Variants in CCDC85A observed in about 807,000 individuals in gnomAD.
CCDC85A encodes coiled-coil domain containing 85A, also known as coiled-coil domain-containing protein 85A.
Under a neutral mutation model 50.2 loss-of-function variants are expected in CCDC85A, and 38 were observed. That is an observed-to-expected ratio of 0.76 (90% CI 0.58 to 0.99). CCDC85A has a LOEUF of 0.99. Ranked by LOEUF, CCDC85A falls within the 50% of genes least tolerant of loss-of-function variation. The pLI is 0.00. For missense variants in CCDC85A, 820 were observed against 742.0 expected (o/e 1.11, Z -1.22); for synonymous variants, 366 against 301.4 (o/e 1.21, Z -2.22).
intron 2 of CCDC85A, among the ~76,000 whole-genome samples, chr2:56,277,207 T>C (rs1308394628): frequency 6.6e-6 from 1 of 152,196 alleles, no homozygotes; most frequent in African/African-American, 2.4e-5. Flanking sequence ...CCTATGCCTT[T>C]TATGTCTGTT....
At chr2:56,307,088 A>G (rs550731079) in intron 2 of CCDC85A, among the ~76,000 whole-genome samples, 27 of 152,168 alleles carry the variant, frequency 1.8e-4, no homozygotes, top group Non-Finnish European at 3.4e-4. Context: ...CAAATCAGAA[A>G]AATCTAGGGG....
At chr2:56,296,117 A>G (rs1452395925) in intron 2 of CCDC85A, among the ~76,000 whole-genome samples, 3 of 152,170 alleles carry the variant, frequency 2.0e-5, no homozygotes, top group Non-Finnish European at 4.4e-5. Flanking sequence ...ACTTTAGCAC[A>G]CTGGCAGGAT....
At chr2:56,308,420 A>G (rs1036520594) in intron 2 of CCDC85A, among the ~76,000 whole-genome samples, 3 of 152,148 alleles carry the variant, frequency 2.0e-5, no homozygotes, top group Non-Finnish European at 4.4e-5. Flanking sequence ...TGCTGAACTT[A>G]GAAGATCAAC....
chr2:56,378,740 C>T (rs968624547), intron 5 of CCDC85A, among the ~76,000 whole-genome samples: 2 of 152,174 alleles, frequency 1.3e-5, no homozygotes, highest in African/African-American at 4.8e-5. Context: ...GGTCCCACTT[C>T]ATGCTTAAGT....
intron 5 of CCDC85A, among the ~76,000 whole-genome samples, chr2:56,380,325 C>T (rs1489192729): frequency 2.6e-5 from 4 of 152,042 alleles, no homozygotes; most frequent in South Asian, 2.1e-4. Flanking sequence ...TCATGTCATG[C>T]GAAGTATTAT....
chr2:56,215,202 C>A (rs1397044919), intron 2 of CCDC85A, among the ~76,000 whole-genome samples: 3 of 151,844 alleles, frequency 2.0e-5, no homozygotes, highest in South Asian at 2.1e-4. Context: ...AGGCAATAGA[C>A]TTGTGTGTTA....
chr2:56,224,657 A>G (rs1235416654), intron 2 of CCDC85A, among the ~76,000 whole-genome samples: 2 of 152,158 alleles, frequency 1.3e-5, no homozygotes, highest in Non-Finnish European at 2.9e-5. Context: ...CATAGTGGAT[A>G]TGAAGTGGTA....
chr2:56,371,451 C>T (rs752842696), intron 3 of CCDC85A, among the ~76,000 whole-genome samples: 3 of 151,964 alleles, frequency 2.0e-5, no homozygotes, highest in Non-Finnish European at 4.4e-5. Context: ...TAAAGTCAAC[C>T]TCAACATTTA....
intron 3 of CCDC85A, among the ~76,000 whole-genome samples, chr2:56,359,431 T>G (rs1034221594): frequency 3.6e-4 from 55 of 152,232 alleles, no homozygotes; most frequent in African/African-American, 1.2e-3. Flanking sequence ...CTATGGTGAC[T>G]GTAGGTACCC....
chr2:56,353,719 C>T (rs1675080521), intron 3 of CCDC85A, among the ~76,000 whole-genome samples: 1 of 152,198 alleles, frequency 6.6e-6, no homozygotes, highest in South Asian at 2.1e-4. Flanking sequence ...GCCATGTTCT[C>T]TATGATACCC....
In CCDC85A at chr2:56,384,546, C is replaced by T. The variant is rs1248689759; in HGVS notation, c.*191C>T. On this transcript the variant is annotated 3_prime_UTR_variant, in exon 6 of 6. Coordinates refer to ENST00000407595, the MANE Select transcript of CCDC85A (RefSeq NM_001080433.2). ...TCAAGCTGATATTCTGTGTCTCTCA[C>T]CTCAATGTCCACAACAGTCAATCTC... The T allele has an allele frequency of 3.7e-6, 2 of 539,148 alleles. No individual in the cohort carries two copies. The highest frequency in any genetic ancestry group is 6.7e-6 in the Non-Finnish European group (2 of 299,958). 33.4% of individuals were successfully genotyped at this position (539,148 alleles called of 1,614,324 possible).
intron 3 of CCDC85A, among the ~76,000 whole-genome samples, chr2:56,349,309 A>G (rs1347807894): frequency 1.3e-5 from 2 of 152,176 alleles, no homozygotes; most frequent in African/African-American, 2.4e-5. Context: ...TAAAGGAAAA[A>G]GGGTTTTATG....
chr2:56,317,978 C>T (rs1672997326), intron 2 of CCDC85A, among the ~76,000 whole-genome samples: 1 of 152,098 alleles, frequency 6.6e-6, no homozygotes, highest in Non-Finnish European at 1.5e-5. Context: ...GTCTGCTATG[C>T]ATTTCATCTA....
intron 2 of CCDC85A, among the ~76,000 whole-genome samples, chr2:56,330,756 A>G (rs1176492963): frequency 6.6e-6 from 1 of 152,188 alleles, no homozygotes; most frequent in African/African-American, 2.4e-5. Flanking sequence ...CTTTGGGAAC[A>G]CTTATGTACT....
chr2:56,370,532 G>T (rs543661186), intron 3 of CCDC85A, among the ~76,000 whole-genome samples: 38 of 152,028 alleles, frequency 2.5e-4, no homozygotes, highest in African/African-American at 8.0e-4. Context: ...CCTGTTTATT[G>T]TTCCCCCTTA....
At chr2:56,214,596 G>A (rs72801182) in intron 2 of CCDC85A, among the ~76,000 whole-genome samples, 3,012 of 151,752 alleles carry the variant, frequency 0.02, 51 homozygotes, top group South Asian at 0.047. Context: ...AGGGGGGAGC[G>A]GTACAGATGG....
intron 3 of CCDC85A, among the ~76,000 whole-genome samples, chr2:56,356,923 A>G (rs1308720395): frequency 1.3e-5 from 2 of 151,616 alleles, no homozygotes; most frequent in Non-Finnish European, 2.9e-5. Flanking sequence ...CCAAAAAAAC[A>G]AAAAAGTAGG....
intron 2 of CCDC85A, among the ~76,000 whole-genome samples, chr2:56,333,671 G>C (rs749617750): frequency 1.3e-5 from 2 of 152,138 alleles, no homozygotes; most frequent in Non-Finnish European, 2.9e-5. Context: ...TACTTTGTAA[G>C]CAACTATTGT....
intron 2 of CCDC85A, among the ~76,000 whole-genome samples, chr2:56,291,903 G>C (rs555490757): frequency 5.2e-4 from 79 of 152,124 alleles, no homozygotes; most frequent in Non-Finnish European, 1.0e-3. Flanking sequence ...AGCCCAGTGG[G>C]AGGCTGGTGC....
Sources: allele counts gnomAD v4.1 joint callset (sites outside exome capture counted in the v4.1 genomes callset), GRCh38; gene constraint gnomAD v4.1.1; transcripts MANE v1.5; gene names NCBI Gene and HGNC (gene_info 2026-07-23, HGNC 2026-07-21).